Variants in TASP1 observed in about 807,000 individuals in gnomAD.
The protein encoded by TASP1 is threonine aspartase 1.
A neutral mutation model predicts 56.6 loss-of-function variants in TASP1; 16 were observed. The ratio of observed to expected loss-of-function variants is 0.28; its 90% CI spans 0.19 to 0.43. The LOEUF is 0.43. Among genes scored for constraint, TASP1 ranks in the 20% least tolerant of loss-of-function variants. The pLI is 1.00. For synonymous variants in TASP1, 179 were observed against 184.2 expected (o/e 0.97, Z 0.23); for missense variants, 393 against 511.6 (o/e 0.77, Z 2.24).
chr20:13,614,393 T>G (rs1356439518), intron 4 of TASP1, among the ~76,000 whole-genome samples: 1 of 152,110 alleles, frequency 6.6e-6, no homozygotes, highest in African/African-American at 2.4e-5. Context: ...TGATCTTCTT[T>G]AAGTGCCCAA....
chr20:13,329,823 A>T, the TASP1 span, among the ~76,000 whole-genome samples: 1 of 152,106 alleles, frequency 6.6e-6, no homozygotes. Flanking sequence ...GAGGGATAAG[A>T]GTGGACATCC....
At chr20:13,275,327 T>C in the TASP1 span, among the ~76,000 whole-genome samples, 2 of 152,226 alleles carry the variant, frequency 1.3e-5, no homozygotes, top group Non-Finnish European at 2.9e-5. Context: ...TACGTGCTTC[T>C]ACTTTTGATT....
intron 11 of TASP1, among the ~76,000 whole-genome samples, chr20:13,468,261 G>A (rs1383836815): frequency 1.3e-5 from 2 of 152,114 alleles, no homozygotes; most frequent in Non-Finnish European, 2.9e-5. Context: ...ACTCAGAAGT[G>A]TGGTAAAATA....
chr20:13,168,801 A>C, the TASP1 span: 1 of 152,198 alleles, frequency 6.6e-6, no homozygotes, highest in Non-Finnish European at 1.5e-5. Flanking sequence ...TCCTGGTCTC[A>C]AAACAGTAAG....
the TASP1 span, among the ~76,000 whole-genome samples, chr20:13,121,589 A>G: frequency 6.6e-6 from 1 of 152,100 alleles, no homozygotes; most frequent in African/African-American, 2.4e-5. Flanking sequence ...CCTCTAACCC[A>G]CCCTGAAGAA....
At chr20:13,562,374 T>C (rs936994934) in intron 7 of TASP1, among the ~76,000 whole-genome samples, 4 of 151,842 alleles carry the variant, frequency 2.6e-5, no homozygotes, top group Non-Finnish European at 5.9e-5. Context: ...AACCCAAAGC[T>C]AGCAGAACAA....
At chr20:13,610,156 T>C (rs1306516411) in intron 4 of TASP1, among the ~76,000 whole-genome samples, 1 of 152,202 alleles carries the variant, frequency 6.6e-6, no homozygotes, top group Non-Finnish European at 1.5e-5. Flanking sequence ...AGGTTTCCTT[T>C]GGGGAGATAA....
At chr20:13,276,691 C>T in the TASP1 span, among the ~76,000 whole-genome samples, 1 of 152,238 alleles carries the variant, frequency 6.6e-6, no homozygotes, top group African/African-American at 2.4e-5. Context: ...GCTCACTCCA[C>T]ACCTACAGTT....
chr20:13,540,645 T>C (rs950589396), intron 8 of TASP1, among the ~76,000 whole-genome samples: 5 of 152,146 alleles, frequency 3.3e-5, no homozygotes, highest in East Asian at 1.9e-4. Flanking sequence ...AAAGAACATA[T>C]AGACTCCATT....
intron 11 of TASP1, among the ~76,000 whole-genome samples, chr20:13,451,120 A>G (rs551566541): frequency 1.3e-5 from 2 of 152,240 alleles, no homozygotes; most frequent in East Asian, 3.9e-4. Context: ...AGCAGCTCTC[A>G]ACAGTGGGAT....
chr20:13,481,678 T>A (rs1160610639), intron 11 of TASP1, among the ~76,000 whole-genome samples: 1 of 152,128 alleles, frequency 6.6e-6, no homozygotes, highest in Admixed American at 6.6e-5. Context: ...AGCAATAATG[T>A]TGAGCGCTTT....
chr20:13,342,239 G>A, the TASP1 span, among the ~76,000 whole-genome samples: 3 of 152,298 alleles, frequency 2.0e-5, no homozygotes, highest in South Asian at 6.2e-4. Context: ...GCCAGACAGA[G>A]TTTGTTTTTC....
intron 13 of TASP1, among the ~76,000 whole-genome samples, chr20:13,394,152 T>C (rs986391884): frequency 4.7e-5 from 7 of 149,416 alleles, no homozygotes; most frequent in African/African-American, 1.2e-4. Context: ...GGTGTGGTGG[T>C]GCATGCCTGT....
chr20:13,552,405 A>C (rs2046009697), intron 8 of TASP1, among the ~76,000 whole-genome samples: 1 of 152,208 alleles, frequency 6.6e-6, no homozygotes. Context: ...AAACAAAACA[A>C]AAGTGATAAT....
rs201467026 is a variant in TASP1 at position 13,630,009 on chromosome 20, T to C, written c.70A>G (p.Lys24Glu). The C allele has an allele frequency of 5.0e-6, 8 of 1,614,094 alleles. No homozygotes were observed. The Admixed American group carries it at 8.3e-5, about 17-fold the overall frequency. The stretch of plus-strand genomic sequence containing the variant: ...GTTTCCAACTCTTTGGCTGTTATTT[T>C]ACCAGCCGAAACCTGAGATGATCTG... ...PSRSSQVSAGKITAKELETKQ... is the reference protein window; with the variant it reads ...PSRSSQVSAGEITAKELETKQ... The change falls in exon 2 of 14, where the codon AAA (lysine) becomes GAA (glutamate). Residue 24 changes from lysine to glutamate, a missense_variant. By Grantham distance (56) the Lys-to-Glu change is moderately conservative. Around this residue, in one of 3 missense-constraint regions of TASP1, gnomAD observed 52 missense variants for 51.1 expected, o/e 1.02. Transcript: ENST00000337743.
chr20:13,120,996 G>A, the TASP1 span, among the ~76,000 whole-genome samples: 2 of 152,234 alleles, frequency 1.3e-5, 1 homozygote, highest in South Asian at 4.1e-4. Flanking sequence ...ACCTGTCAGA[G>A]CTCCGTGCCA....
At chr20:13,495,516 A>C (rs1280375623) in intron 10 of TASP1, among the ~76,000 whole-genome samples, 1 of 152,162 alleles carries the variant, frequency 6.6e-6, no homozygotes, top group Non-Finnish European at 1.5e-5. Flanking sequence ...ATCTGGGTAG[A>C]ATTTAAGGAA....
chr20:13,625,133 C>A, intron 3 of TASP1, 52 bp downstream of exon 3: 1 of 1,325,014 alleles, frequency 7.5e-7, no homozygotes, highest in Non-Finnish European at 1.0e-6. Flanking sequence ...CAAGGTAAAA[C>A]TGCTTTCTGT....
chr20:13,213,222 T>C, the TASP1 span, among the ~76,000 whole-genome samples: 1 of 152,180 alleles, frequency 6.6e-6, no homozygotes, highest in Non-Finnish European at 1.5e-5. Context: ...GCCTGTTGGA[T>C]TTTTTCTTTA....
Sources: allele counts gnomAD v4.1 joint callset (sites outside exome capture counted in the v4.1 genomes callset), GRCh38; gene constraint gnomAD v4.1.1; regional missense constraint gnomAD v4.1.1; transcripts MANE v1.5; gene names NCBI Gene and HGNC (gene_info 2026-07-23, HGNC 2026-07-21).